The following AIG1 variants were observed in gnomAD, a reference collection of about 807,000 sequenced individuals.
AIG1 encodes the protein androgen induced 1, also known as androgen-induced gene 1 protein.
AIG1 carries 23 observed loss-of-function variants against 31.4 expected under a neutral mutation model. That is an observed-to-expected ratio of 0.73 (90% CI 0.53 to 1.04). AIG1 has a LOEUF of 1.04. Ranked by LOEUF, AIG1 falls within the 50% of genes least tolerant of loss-of-function variation. The probability of loss-of-function intolerance (pLI) is 0.00; values close to 1 mark genes in which losing one functional copy is unlikely to be tolerated. For synonymous variants in AIG1, 100 were observed against 110.5 expected (o/e 0.90, Z 0.60); for missense variants, 274 against 295.0 (o/e 0.93, Z 0.52).
chr6:143,111,049 A>G (rs1437259564), intron 1 of AIG1, among the ~76,000 whole-genome samples: 1 of 152,212 alleles, frequency 6.6e-6, no homozygotes, highest in African/African-American at 2.4e-5. Context: ...CACCAATTAT[A>G]TTTCCCATTA....
chr6:143,188,226 G>C, intron 3 of AIG1: 1 of 989,432 alleles, frequency 1.0e-6, no homozygotes, highest in Non-Finnish European at 1.2e-6. Flanking sequence ...CTCTAGGAGA[G>C]GGGCGTTTCT....
intron 4 of AIG1, among the ~76,000 whole-genome samples, chr6:143,316,539 A>G (rs1775757070): frequency 6.6e-6 from 1 of 152,134 alleles, no homozygotes; most frequent in East Asian, 1.9e-4. Context: ...AAATGCCTAC[A>G]TCAAAAGCTC....
At chr6:143,138,248 A>G (rs1783930608) in intron 2 of AIG1, among the ~76,000 whole-genome samples, 1 of 152,228 alleles carries the variant, frequency 6.6e-6, no homozygotes, top group South Asian at 2.1e-4. Context: ...CTCAGATTCC[A>G]TTGTTTAGCA....
At chr6:143,246,848 G>A (rs1794655482) in intron 3 of AIG1, among the ~76,000 whole-genome samples, 1 of 152,190 alleles carries the variant, frequency 6.6e-6, no homozygotes, top group South Asian at 2.1e-4. Context: ...TGCTAGTTCA[G>A]GGGTTCCCAA....
At chr6:143,290,711 C>T (rs906526509) in intron 4 of AIG1, among the ~76,000 whole-genome samples, 8 of 152,074 alleles carry the variant, frequency 5.3e-5, no homozygotes, top group Admixed American at 2.6e-4. Context: ...TAACAACAAC[C>T]GACTGACCAT....
chr6:143,286,781 G>A (rs1057133863), intron 4 of AIG1, among the ~76,000 whole-genome samples: 28 of 152,078 alleles, frequency 1.8e-4, no homozygotes, highest in African/African-American at 6.5e-4. Context: ...TATACCTCAG[G>A]GGCTGACCAG....
At chr6:143,219,735 T>C (rs1161780068) in intron 3 of AIG1, among the ~76,000 whole-genome samples, 3 of 152,170 alleles carry the variant, frequency 2.0e-5, no homozygotes, top group Non-Finnish European at 2.9e-5. Flanking sequence ...CCAGTTTTTT[T>C]CCTGTTCTAA....
Position 143,339,827 on chromosome 6 carries a change from G to A in AIG1, c.*151G>A. On this transcript the variant is annotated 3_prime_UTR_variant, in exon 6 of 6. Transcript: ENST00000357847. ...GAGGACACCTTTTATATATAAATAT[G>A]TATAAACATAGAATACAGTTGTTTC... 5.0e-6 allele frequency: 3 copies of A among 604,178 alleles called. No homozygotes were observed. The highest frequency in any genetic ancestry group is 8.3e-6 in the Non-Finnish European group (3 of 362,508). 37.4% of individuals were successfully genotyped at this position (604,178 alleles called of 1,614,324 possible).
intron 3 of AIG1, among the ~76,000 whole-genome samples, chr6:143,250,595 T>C (rs1373992240): frequency 6.6e-6 from 1 of 152,002 alleles, no homozygotes; most frequent in East Asian, 1.9e-4. Context: ...CAGGTGTCCT[T>C]GTATAAGAAA....
intron 4 of AIG1, among the ~76,000 whole-genome samples, chr6:143,311,706 G>T (rs1775290132): frequency 6.6e-6 from 1 of 151,874 alleles, no homozygotes; most frequent in Non-Finnish European, 1.5e-5. Flanking sequence ...TTTATAGCTG[G>T]AAGTCCTAGC....
At chr6:143,315,230 TG>T (rs1775640035) in intron 4 of AIG1, among the ~76,000 whole-genome samples, 1 of 152,124 alleles carries the variant, frequency 6.6e-6, no homozygotes, top group African/African-American at 2.4e-5. Flanking sequence ...CTGCAAGCAC[TG>T]CCGGCAAGTA....
At chr6:143,155,327 A>T (rs1785635319) in intron 2 of AIG1, among the ~76,000 whole-genome samples, 1 of 152,192 alleles carries the variant, frequency 6.6e-6, no homozygotes, top group Non-Finnish European at 1.5e-5. Context: ...GTAATGTGCT[A>T]TGACAGCATG....
At chr6:143,213,245 T>A (rs1403875306) in intron 3 of AIG1, among the ~76,000 whole-genome samples, 2 of 152,210 alleles carry the variant, frequency 1.3e-5, no homozygotes, top group Admixed American at 1.3e-4. Flanking sequence ...AAATAATTAT[T>A]GTTAGCTATT....
At chr6:143,101,082 A>G (rs1394273431) in intron 1 of AIG1, among the ~76,000 whole-genome samples, 8 of 152,134 alleles carry the variant, frequency 5.3e-5, no homozygotes, top group African/African-American at 9.7e-5. Context: ...TATTTTTCAT[A>G]TAATTTTTTT....
chr6:143,172,740 G>A (rs547117991), intron 3 of AIG1, among the ~76,000 whole-genome samples: 8 of 151,982 alleles, frequency 5.3e-5, no homozygotes, highest in Non-Finnish European at 8.8e-5. Context: ...TTTCAATCTC[G>A]CTTCTTGTTA....
intron 3 of AIG1, among the ~76,000 whole-genome samples, chr6:143,171,613 A>T (rs1019582069): frequency 4.8e-5 from 7 of 147,030 alleles, no homozygotes; most frequent in Non-Finnish European, 8.9e-5. Flanking sequence ...TATATTTTTG[A>T]AATTGCAAAT....
intron 3 of AIG1, among the ~76,000 whole-genome samples, chr6:143,245,419 G>T (rs1794551616): frequency 6.6e-6 from 1 of 152,054 alleles, no homozygotes; most frequent in African/African-American, 2.4e-5. Context: ...TTCCCCTGAG[G>T]CTCTGCACTA....
chr6:143,139,783 T>A (rs1784097931), intron 2 of AIG1, among the ~76,000 whole-genome samples: 1 of 152,208 alleles, frequency 6.6e-6, no homozygotes, highest in South Asian at 2.1e-4. Context: ...CTTGCTATGC[T>A]ATTTGATGTT....
intron 3 of AIG1, among the ~76,000 whole-genome samples, chr6:143,235,077 A>G (rs936141300): frequency 1.4e-4 from 22 of 151,726 alleles, no homozygotes; most frequent in Admixed American, 1.3e-3. Context: ...AGGCCCACTG[A>G]AAGTTAGATG....
Sources: gnomAD v4.1 joint callset for allele counts (sites outside exome capture counted in the v4.1 genomes callset) on GRCh38, gnomAD v4.1.1 for gene constraint, MANE v1.5 for transcripts, NCBI Gene and HGNC (gene_info 2026-07-23, HGNC 2026-07-21) for gene names.